Variants in PPIH observed in about 807,000 individuals in gnomAD.
The protein encoded by PPIH is peptidylprolyl isomerase H.
In PPIH, 16 loss-of-function variants were observed where a neutral mutation model predicts 27.6. The ratio of observed to expected loss-of-function variants is 0.58; its 90% CI spans 0.39 to 0.88. The LOEUF (loss-of-function observed/expected upper bound fraction) is 0.88, where lower values mean the gene tolerates loss of function less well. PPIH is among the 40% of genes least tolerant of loss of function. The pLI is 0.00. For missense variants in PPIH, 155 were observed against 224.1 expected, an observed-to-expected ratio of 0.69 and a Z score of 1.97; for synonymous variants, 63 against 76.1, an observed-to-expected ratio of 0.83 and a Z score of 0.90.
Position 42,659,502 on chromosome 1 carries a change from C to T in PPIH, c.156-20C>T. The T allele has an allele frequency of 6.2e-7, 1 of 1,614,202 alleles. No individual in the cohort carries two copies. Among genetic ancestry groups the T allele is most frequent in the Non-Finnish European group, 8.5e-7 (1 of 1,180,050 alleles). Reference sequence around the variant, plus strand: ...TGTGCTACCTGCTGTCACTCCAAGTCTCTTTCTTTTCGGTTATAGGAAAGA... The same window carrying T: ...TGTGCTACCTGCTGTCACTCCAAGTTTCTTTCTTTTCGGTTATAGGAAAGA... On this transcript the variant is annotated intron_variant, in intron 3 of 9. Transcript: ENST00000304979.
At chr1:42,669,658 A>G (rs1649526095) in intron 9 of PPIH, among the ~76,000 whole-genome samples, 1 of 152,208 alleles carries the variant, frequency 6.6e-6, no homozygotes, top group Admixed American at 6.5e-5. Flanking sequence ...AAAAATTAGT[A>G]TTGTGTTGCT....
downstream of PPIH, among the ~76,000 whole-genome samples, chr1:42,680,481 G>T (rs1649990398): frequency 6.6e-6 from 1 of 152,218 alleles, no homozygotes; most frequent in South Asian, 2.1e-4. Context: ...ACTTCTCTTA[G>T]AAGTCATAGA....
At chr1:42,663,697 G>C (rs1042806766) in intron 5 of PPIH, among the ~76,000 whole-genome samples, 1 of 152,068 alleles carries the variant, frequency 6.6e-6, no homozygotes, top group Non-Finnish European at 1.5e-5. Flanking sequence ...ACCACACCAG[G>C]CCAGGTCTTT....
chr1:42,676,640 C>CCAGA lies in PPIH; in HGVS notation c.*78_*79insCAGA, dbSNP rs1434707995. On this transcript the variant is annotated 3_prime_UTR_variant, in exon 10 of 10. Transcript: ENST00000304979. ...TAAGATAATCTGGACTGGCCCCCGT[C>CCAGA]TTTGCTTCCCTGCCTGCTGCTGCCC... is the stretch of plus-strand genomic sequence containing the variant. 2 of 151,964 alleles carry CCAGA rather than the reference C, an allele frequency of 1.3e-5. No individual in the cohort carries two copies. Among genetic ancestry groups the CCAGA allele is most frequent in the African/African-American group, 4.8e-5 (2 of 41,348 alleles). The allele number at this position is 151,964 out of a possible 1,614,324, so 9.4% of individuals were successfully genotyped here.
intron 8 of PPIH, 33 bp downstream of exon 8, chr1:42,666,620 C>G: frequency 6.2e-7 from 1 of 1,605,258 alleles, no homozygotes; most frequent in Non-Finnish European, 8.5e-7. Flanking sequence ...TGTTTCTCTG[C>G]CATTGTGGTC....
chr1:42,678,000 T>C (rs1006091975), downstream of PPIH, among the ~76,000 whole-genome samples: 3 of 152,184 alleles, frequency 2.0e-5, no homozygotes, highest in Middle Eastern at 3.2e-3. Context: ...ACAATAGAAC[T>C]TGGTTAAAAG....
chr1:42,671,018 A>G (rs1649605937), intron 9 of PPIH, among the ~76,000 whole-genome samples: 1 of 151,336 alleles, frequency 6.6e-6, no homozygotes, highest in Non-Finnish European at 1.5e-5. Context: ...CTGGTCTTGA[A>G]CTCCTAAGCT....
Position 42,664,875 on chromosome 1 carries a change from G to A in PPIH, c.256G>A (p.Gly86Arg). 6.2e-7 allele frequency: 1 copy of A among 1,613,300 alleles called. No individual in the cohort carries two copies. Among genetic ancestry groups the A allele is most frequent in the Non-Finnish European group, 8.5e-7 (1 of 1,179,662 alleles). ...TCTCTCTGCTCAGGGAGATGGTACT[G>A]GAGTCGCCAGTATTTACCGGGGGCC... is the stretch of plus-strand genomic sequence containing the variant. ...GGDFVNGDGT[G>R]VASIYRGPFA... Residue 86 changes from glycine (G) to arginine (R), a missense_variant, in exon 6 of 10, where the codon GGA (glycine) becomes AGA (arginine). Gly to Arg is a moderately radical substitution (Grantham distance 125, BLOSUM62 -2). Transcript: ENST00000304979.
intron 9 of PPIH, among the ~76,000 whole-genome samples, chr1:42,671,257 A>G (rs1225947913): frequency 6.6e-6 from 1 of 152,122 alleles, no homozygotes; most frequent in African/African-American, 2.4e-5. Flanking sequence ...GGTAAAACCC[A>G]TCTCTACTAA....
At chr1:42,667,237 A>G in intron 8 of PPIH, 114 bp from the exon 9 acceptor site, 3 of 850,134 alleles carry the variant, frequency 3.5e-6, no homozygotes, top group Admixed American at 2.1e-5. Context: ...CAGGACATGG[A>G]CTGTTTCTGA....
Position 42,669,046 on chromosome 1 carries a change from CA to C in PPIH, c.*21+1620del, listed in dbSNP as rs766495746. The stretch of plus-strand genomic sequence containing the variant: ...GCAACCTGGTGAGATCCCGTCTTTC[CA>C]AAAAAAAAAAAAATTAGCCAGGTGT... On this transcript the variant is annotated intron_variant, in intron 9 of 9. Transcript: ENST00000304979. Among the ~76,000 whole-genome samples, 485 of 135,188 alleles carry C rather than the reference CA, an allele frequency of 3.6e-3. 3 individuals are homozygous for C. The highest frequency in any genetic ancestry group is 7.4e-3 in the African/African-American group (270 of 36,656). 88.7% of individuals were successfully genotyped at this position (135,188 alleles called of 152,430 possible). A position where few individuals can be genotyped will look rare whatever the true frequency, so the allele number is the denominator to read the frequency against.
chr1:42,679,014 A>G (rs1649962735), downstream of PPIH: 1 of 152,330 alleles, frequency 6.6e-6, no homozygotes, highest in Non-Finnish European at 1.5e-5. Context: ...CTTGGGATGA[A>G]TCCCTTGCCC....
At chr1:42,665,941 C>A in intron 6 of PPIH, 39 bp from the exon 7 acceptor site, 1 of 1,549,052 alleles carries the variant, frequency 6.5e-7, no homozygotes, top group Non-Finnish European at 8.9e-7. Context: ...GCTAACATGG[C>A]CGGGGAAACT....
At chr1:42,670,476 G>C (rs1649569042) in intron 9 of PPIH, among the ~76,000 whole-genome samples, 1 of 152,104 alleles carries the variant, frequency 6.6e-6, no homozygotes, top group African/African-American at 2.4e-5. Context: ...GTTACTGGAA[G>C]TCCTTGTTGA....
At chr1:42,674,068 G>T (rs907400315) in intron 9 of PPIH, among the ~76,000 whole-genome samples, 5 of 152,224 alleles carry the variant, frequency 3.3e-5, no homozygotes, top group Admixed American at 1.3e-4. Context: ...TGCTGCATAT[G>T]AGGCTACAGA....
intron 9 of PPIH, among the ~76,000 whole-genome samples, chr1:42,672,349 GTC>G (rs1410568528): frequency 5.9e-5 from 9 of 151,766 alleles, no homozygotes; most frequent in African/African-American, 2.2e-4. Flanking sequence ...GGGGATAAGA[GTC>G]TATCTTTTAA....
At chr1:42,676,257 C>T (rs568368247) in intron 9 of PPIH, among the ~76,000 whole-genome samples, 5 of 152,086 alleles carry the variant, frequency 3.3e-5, no homozygotes, top group South Asian at 2.1e-4. Flanking sequence ...ATCACAAGGT[C>T]GGGAGTTCAA....
At chr1:42,666,339 G>A (rs1005957401) in intron 7 of PPIH, among the ~76,000 whole-genome samples, 4 of 152,118 alleles carry the variant, frequency 2.6e-5, no homozygotes, top group East Asian at 3.8e-4. Context: ...AGCATGATAC[G>A]GTGAGACTTT....
At chr1:42,669,038 C>T (rs949934052) in intron 9 of PPIH, among the ~76,000 whole-genome samples, 6 of 148,278 alleles carry the variant, frequency 4.0e-5, no homozygotes, top group East Asian at 2.0e-4. Flanking sequence ...GGTGAGATCC[C>T]GTCTTTCCAA....
Sources: allele counts gnomAD v4.1 joint callset (sites outside exome capture counted in the v4.1 genomes callset), GRCh38; gene constraint gnomAD v4.1.1; transcripts MANE v1.5; gene names NCBI Gene and HGNC (gene_info 2026-07-23, HGNC 2026-07-21).